The following MCC variants were observed in gnomAD, a reference collection of about 807,000 sequenced individuals.
MCC encodes the protein MCC regulator of Wnt signaling pathway, also known as colorectal mutant cancer protein.
In MCC, 90 loss-of-function variants were observed where a neutral mutation model predicts 116.2. That is an observed-to-expected ratio of 0.77 (90% CI 0.65 to 0.92). The LOEUF (loss-of-function observed/expected upper bound fraction) is 0.92, where lower values mean the gene tolerates loss of function less well. Ranked by LOEUF, MCC falls within the 40% of genes least tolerant of loss-of-function variation. The pLI is 0.00. For missense variants in MCC, 1,516 were observed against 1,312.2 expected (o/e 1.16, Z -2.40); for synonymous variants, 578 against 510.5 (o/e 1.13, Z -1.78).
intron 3 of MCC, among the ~76,000 whole-genome samples, chr5:113,279,380 C>T (rs565091168): frequency 9.9e-5 from 15 of 152,076 alleles, no homozygotes; most frequent in African/African-American, 2.9e-4. Context: ...GTAACCCAGA[C>T]CTCATTGGAA....
At chr5:113,327,713 A>G (rs1359538797) in intron 3 of MCC, among the ~76,000 whole-genome samples, 1 of 150,612 alleles carries the variant, frequency 6.6e-6, no homozygotes, top group Non-Finnish European at 1.5e-5. Context: ...TGGAATTAAC[A>G]GAAACAAAAA....
intron 3 of MCC, among the ~76,000 whole-genome samples, chr5:113,290,637 C>G (rs1169021659): frequency 6.6e-6 from 1 of 152,172 alleles, no homozygotes; most frequent in African/African-American, 2.4e-5. Flanking sequence ...AAACTACATA[C>G]TGGCCCCACA....
At chr5:113,453,452 C>T (rs1771456560) in intron 1 of MCC, among the ~76,000 whole-genome samples, 1 of 152,194 alleles carries the variant, frequency 6.6e-6, no homozygotes, top group Non-Finnish European at 1.5e-5. Context: ...GTGTCACAGC[C>T]TAGGCTGCTG....
intron 6 of MCC, among the ~76,000 whole-genome samples, chr5:113,109,800 C>T (rs1325507529): frequency 1.3e-5 from 2 of 151,968 alleles, no homozygotes; most frequent in South Asian, 2.1e-4. Flanking sequence ...AAAAATTTTC[C>T]CCTGTGGGTT....
At chr5:113,354,096 T>C (rs1768349953) in intron 2 of MCC, among the ~76,000 whole-genome samples, 1 of 152,216 alleles carries the variant, frequency 6.6e-6, no homozygotes, top group Admixed American at 6.5e-5. Flanking sequence ...AAAGACTTAT[T>C]TCTCTGCACA....
rs761520350 is a variant in MCC at position 113,385,112 on chromosome 5, G to C, written c.271C>G (p.Gln91Glu). 4 of 1,614,144 alleles carry C rather than the reference G, an allele frequency of 2.5e-6. No homozygotes were observed. The highest frequency in any genetic ancestry group is 2.2e-5 in the South Asian group (2 of 91,090). ...GADENGKISF[Q>E]DFTRCRMQLV... ...TGCATGCGGCATCTTGTGAAATCCTGAAAGGAAATCTTCCCATTTTCATCT... is the reference window on the plus strand; with the variant it reads ...TGCATGCGGCATCTTGTGAAATCCTCAAAGGAAATCTTCCCATTTTCATCT... The change falls in exon 2 of 19, where the codon CAG becomes GAG. Residue 91 changes from glutamine (Q) to glutamate (E), a missense_variant. Transcript: ENST00000408903.
rs956539677 is a variant in MCC, at chr5:113,391,161, GAGA to G, written c.171-5952_171-5950del. On this transcript the variant is annotated intron_variant, in intron 1 of 18. Transcript: ENST00000408903. ...AACAAAACCATATTTAAGAAAAAAG[GAGA>G]AGAAGTTATTAAATATAGGAAATTT... is the stretch of plus-strand genomic sequence containing the variant. Among the ~76,000 whole-genome samples, 26 of 152,260 alleles carry G rather than the reference GAGA, an allele frequency of 1.7e-4. 1 individual carries two copies. Among genetic ancestry groups the G allele is most frequent in the South Asian group, 4.1e-4 (2 of 4,822 alleles).
intron 17 of MCC, among the ~76,000 whole-genome samples, chr5:113,029,409 C>T (rs754668816): frequency 1.7e-4 from 25 of 150,914 alleles, no homozygotes; most frequent in Non-Finnish European, 3.2e-4. Context: ...AAACCCCCGT[C>T]TGTCTCCATC....
intron 3 of MCC, among the ~76,000 whole-genome samples, chr5:113,262,497 G>A (rs1765253532): frequency 6.6e-6 from 1 of 152,180 alleles, no homozygotes; most frequent in Non-Finnish European, 1.5e-5. Context: ...TTAAAAGATG[G>A]TACCAAATAC....
At chr5:113,128,674 G>T (rs943352901) in intron 5 of MCC, among the ~76,000 whole-genome samples, 1 of 152,122 alleles carries the variant, frequency 6.6e-6, no homozygotes, top group Non-Finnish European at 1.5e-5. Flanking sequence ...GCTCATATAA[G>T]ATCCATATTC....
chr5:113,409,994 A>G (rs76884834), intron 1 of MCC, among the ~76,000 whole-genome samples: 1,549 of 152,302 alleles, frequency 0.01, 28 homozygotes, highest in African/African-American at 0.035. Flanking sequence ...GGAAATATCT[A>G]TATATTGATA....
intron 1 of MCC, among the ~76,000 whole-genome samples, chr5:113,392,155 C>T (rs1448605454): frequency 6.6e-6 from 1 of 151,938 alleles, no homozygotes; most frequent in African/African-American, 2.4e-5. Context: ...GCCTTGAGGC[C>T]AGGAGTTCAA....
At chr5:113,038,228 G>C (rs888364710) in intron 17 of MCC, among the ~76,000 whole-genome samples, 1 of 152,172 alleles carries the variant, frequency 6.6e-6, no homozygotes, top group South Asian at 2.1e-4. Flanking sequence ...TGGATGTGCT[G>C]TTTTGAGGCT....
intron 1 of MCC, among the ~76,000 whole-genome samples, chr5:113,401,595 C>A (rs2150398938): frequency 6.6e-6 from 1 of 152,188 alleles, no homozygotes; most frequent in South Asian, 2.1e-4. Flanking sequence ...TATGTCTGAC[C>A]TCCGAACCTC....
At chr5:113,148,207 G>C (rs1026487803) in intron 4 of MCC, among the ~76,000 whole-genome samples, 1 of 152,242 alleles carries the variant, frequency 6.6e-6, no homozygotes, top group Non-Finnish European at 1.5e-5. Context: ...ATGCATGTCT[G>C]TGCCCGTATT....
At chr5:113,278,927 C>G (rs1765931606) in intron 3 of MCC, among the ~76,000 whole-genome samples, 1 of 152,126 alleles carries the variant, frequency 6.6e-6, no homozygotes, top group African/African-American at 2.4e-5. Flanking sequence ...TCAAGTGTCT[C>G]TTTTTGCAAG....
At chr5:113,339,734 G>A (rs1767964903) in intron 3 of MCC, among the ~76,000 whole-genome samples, 1 of 152,218 alleles carries the variant, frequency 6.6e-6, no homozygotes, top group South Asian at 2.1e-4. Flanking sequence ...ATTAGAAAGT[G>A]TGCCTCAAAC....
intron 3 of MCC, among the ~76,000 whole-genome samples, chr5:113,167,357 T>C (rs1760823814): frequency 6.6e-6 from 1 of 152,234 alleles, no homozygotes; most frequent in South Asian, 2.1e-4. Flanking sequence ...TTCCCTGATG[T>C]GCTTCAGCCT....
At chr5:113,115,166 C>A (rs1057036679) in intron 6 of MCC, among the ~76,000 whole-genome samples, 1 of 152,144 alleles carries the variant, frequency 6.6e-6, no homozygotes, top group Non-Finnish European at 1.5e-5. Flanking sequence ...AGCACTTGTT[C>A]CGGCCCCTGC....
Sources: allele counts gnomAD v4.1 joint callset (sites outside exome capture counted in the v4.1 genomes callset), GRCh38; gene constraint gnomAD v4.1.1; transcripts MANE v1.5; gene names NCBI Gene and HGNC (gene_info 2026-07-23, HGNC 2026-07-21).